SEMA5A: variants seen among roughly 807,000 people sequenced by gnomAD.
The protein encoded by SEMA5A is semaphorin-5A.
In SEMA5A, 55 loss-of-function variants were observed where a neutral mutation model predicts 135.5. The observed-to-expected ratio is 0.41, with a 90% CI of 0.33 to 0.51. The LOEUF (loss-of-function observed/expected upper bound fraction) is 0.51. Ranked by LOEUF, SEMA5A falls within the 20% of genes least tolerant of loss-of-function variation. SEMA5A has a pLI of 0.37. For synonymous variants in SEMA5A, 580 were observed against 546.5 expected, an observed-to-expected ratio of 1.06 and a Z score of -0.85; for missense variants, 1,290 against 1,419.9, an observed-to-expected ratio of 0.91 and a Z score of 1.47.
At chr5:9,132,118 G>C (rs1341019216) in intron 13 of SEMA5A, among the ~76,000 whole-genome samples, 1 of 152,142 alleles carries the variant, frequency 6.6e-6, no homozygotes, top group Non-Finnish European at 1.5e-5. Context: ...ATCAATATGT[G>C]AGTAAACTAT....
intron 1 of SEMA5A, among the ~76,000 whole-genome samples, chr5:9,468,978 T>A (rs1759371932): frequency 6.6e-6 from 1 of 152,144 alleles, no homozygotes. Context: ...TGGTGAGGCT[T>A]AAGAGTAGCA....
chr5:9,267,649 G>T (rs1484231044), intron 5 of SEMA5A, among the ~76,000 whole-genome samples: 8 of 152,018 alleles, frequency 5.3e-5, no homozygotes, highest in Non-Finnish European at 7.4e-5. Flanking sequence ...TGACTGCCCT[G>T]GTCTCTTTCT....
chr5:9,150,699 G>A (rs1388283913), intron 12 of SEMA5A, among the ~76,000 whole-genome samples: 1 of 152,122 alleles, frequency 6.6e-6, no homozygotes, highest in Non-Finnish European at 1.5e-5. Context: ...AGAATAACCA[G>A]GGAATGGAGA....
At chr5:9,207,114 A>ATATATATATATATATATATATG (rs1746071785) in intron 8 of SEMA5A, among the ~76,000 whole-genome samples, 2 of 132,420 alleles carry the variant, frequency 1.5e-5, no homozygotes, top group Non-Finnish European at 3.2e-5. Flanking sequence ...ATATATATAT[A>ATATATATATATATATATATATG]TATATATATA....
chr5:9,498,355 A>G (rs544174400), intron 1 of SEMA5A: 1 of 152,378 alleles, frequency 6.6e-6, no homozygotes, highest in East Asian at 1.9e-4. Flanking sequence ...ACGAGGGGAA[A>G]AGGACTTTCA....
chr5:9,478,902 GCT>G (rs1759770697), intron 1 of SEMA5A, among the ~76,000 whole-genome samples: 1 of 152,160 alleles, frequency 6.6e-6, no homozygotes, highest in Non-Finnish European at 1.5e-5. Context: ...ATATGGCTTG[GCT>G]CTGTGTCCCC....
chr5:9,336,252 C>T (rs1323066229), intron 4 of SEMA5A, among the ~76,000 whole-genome samples: 1 of 152,058 alleles, frequency 6.6e-6, no homozygotes, highest in Non-Finnish European at 1.5e-5. Context: ...CATGCCTGGA[C>T]CATGTGAGAA....
Position 9,460,806 on chromosome 5 carries a change from C to T in SEMA5A, c.-174-22954G>A, listed in dbSNP as rs1362908810. 2.0e-5 allele frequency among the ~76,000 whole-genome samples: 3 copies of T among 152,072 alleles called. 1 individual carries two copies. Among genetic ancestry groups the T allele is most frequent in the Admixed American group, 2.0e-4 (3 of 15,270 alleles). On this transcript the variant is annotated intron_variant, in intron 1 of 22. Transcript: ENST00000382496. ...AATGAAATTATTTGCTATATTAAAG[C>T]CATGTATTCCCTTACTAAGAAGCAC... is the stretch of plus-strand genomic sequence containing the variant.
At chr5:9,258,951 T>C (rs1355923775) in intron 5 of SEMA5A, among the ~76,000 whole-genome samples, 1 of 151,752 alleles carries the variant, frequency 6.6e-6, no homozygotes, top group Non-Finnish European at 1.5e-5. Flanking sequence ...GCCTCCCAAG[T>C]ACCTGCAACC....
chr5:9,122,951 G>T, intron 13 of SEMA5A, 114 bp from the exon 14 acceptor site: 1 of 1,016,166 alleles, frequency 9.8e-7, no homozygotes, highest in Non-Finnish European at 1.4e-6. Context: ...ATTTGTTGTT[G>T]TTGTTGCTGC....
intron 3 of SEMA5A, among the ~76,000 whole-genome samples, chr5:9,374,870 T>G (rs1755295547): frequency 6.7e-6 from 1 of 150,038 alleles, no homozygotes; most frequent in African/African-American, 2.5e-5. Flanking sequence ...GGAGGTGGAG[T>G]TGGCTTCCTA....
rs55994381 is a variant in SEMA5A at position 9,293,190 on chromosome 5, G to GTCTC, written c.270+25178_270+25181dup. ...ACGTGAGCTGCTAGAGAGCTCTCAG[G>GTCTC]TCTCTCTCTCTCTCTCTCCTGGAAG... On this transcript the variant is annotated intron_variant, in intron 5 of 22. Coordinates refer to ENST00000382496, the MANE Select transcript of SEMA5A (RefSeq NM_003966.3). Among the ~76,000 whole-genome samples the GTCTC allele has an allele frequency of 5.6e-3, 851 of 150,790 alleles. 7 individuals are homozygous for GTCTC. Among genetic ancestry groups the GTCTC allele is most frequent in the African/African-American group, 0.019 (793 of 41,236 alleles).
chr5:9,326,760 T>C (rs993090464), intron 4 of SEMA5A, among the ~76,000 whole-genome samples: 1 of 152,124 alleles, frequency 6.6e-6, no homozygotes, highest in African/African-American at 2.4e-5. Context: ...CAGCCTGGGC[T>C]ACAGAGCGAG....
At chr5:9,473,140 T>TATATAA (rs372991269) in intron 1 of SEMA5A, among the ~76,000 whole-genome samples, 5 of 144,962 alleles carry the variant, frequency 3.4e-5, no homozygotes, top group African/African-American at 1.3e-4. Context: ...TATATATATA[T>TATATAA]AATGCCCACA....
intron 5 of SEMA5A, among the ~76,000 whole-genome samples, chr5:9,276,871 C>T (rs7727842): frequency 0.01 from 1,564 of 152,148 alleles, 21 homozygotes; most frequent in African/African-American, 0.032. Context: ...AGAAGAAAAC[C>T]TAGGCAATAC....
intron 1 of SEMA5A, among the ~76,000 whole-genome samples, chr5:9,490,802 C>T (rs1734964999): frequency 6.6e-6 from 1 of 152,328 alleles, no homozygotes; most frequent in East Asian, 1.9e-4. Flanking sequence ...TGACCTCACA[C>T]TTAGGCAAGA....
chr5:9,342,548 G>A (rs1268258954), intron 3 of SEMA5A, among the ~76,000 whole-genome samples: 1 of 152,170 alleles, frequency 6.6e-6, no homozygotes, highest in Non-Finnish European at 1.5e-5. Context: ...GGTGGGTAAA[G>A]ATTGTTGAAA....
chr5:9,067,143 T>A (rs781417414), intron 16 of SEMA5A, among the ~76,000 whole-genome samples: 2 of 152,166 alleles, frequency 1.3e-5, no homozygotes, highest in Non-Finnish European at 2.9e-5. Flanking sequence ...TTTTTTTACG[T>A]ATAAGGTTTC....
chr5:9,096,924 T>TC (rs1739350711), intron 16 of SEMA5A, among the ~76,000 whole-genome samples: 1 of 152,040 alleles, frequency 6.6e-6, no homozygotes, highest in South Asian at 2.1e-4. Context: ...ACAGGTACTC[T>TC]CTATGATGAA....
Sources: gnomAD v4.1 joint callset for allele counts (sites outside exome capture counted in the v4.1 genomes callset) on GRCh38, gnomAD v4.1.1 for gene constraint, MANE v1.5 for transcripts, NCBI Gene and HGNC (gene_info 2026-07-23, HGNC 2026-07-21) for gene names.